The following LAMA2 variants were observed in gnomAD, a reference collection of about 807,000 sequenced individuals.
LAMA2 encodes the protein laminin subunit alpha 2.
In LAMA2, 269 loss-of-function variants were observed where a neutral mutation model predicts 364.8. That is an observed-to-expected ratio of 0.74 (90% CI 0.67 to 0.82). The LOEUF is 0.82. Among genes scored for constraint, LAMA2 ranks in the 40% least tolerant of loss-of-function variants. LAMA2 has a pLI of 0.00. For synonymous variants in LAMA2, 1,379 were observed against 1,370.6 expected (o/e 1.01, Z -0.14); for missense variants, 3,807 against 3,873.2 (o/e 0.98, Z 0.45).
chr6:129,141,246 A>T (rs932799257), intron 4 of LAMA2, among the ~76,000 whole-genome samples: 12 of 151,980 alleles, frequency 7.9e-5, no homozygotes, highest in African/African-American at 2.9e-4. Flanking sequence ...CTTCATCCAT[A>T]TATTTATCCA....
chr6:129,177,492 T>C (rs902497568), intron 9 of LAMA2, among the ~76,000 whole-genome samples: 12 of 152,220 alleles, frequency 7.9e-5, no homozygotes, highest in African/African-American at 2.9e-4. Flanking sequence ...TTTTAATATT[T>C]CTATTGACAC....
At chr6:129,288,106 C>A in intron 19 of LAMA2, 48 bp downstream of exon 19, 3 of 1,476,150 alleles carry the variant, frequency 2.0e-6, no homozygotes, top group Non-Finnish European at 2.8e-6. Flanking sequence ...TGTATTGTAC[C>A]TCAAAGTAGC....
chr6:129,356,185 A>G (rs1410200514), intron 32 of LAMA2, among the ~76,000 whole-genome samples: 1 of 152,072 alleles, frequency 6.6e-6, no homozygotes. Flanking sequence ...GATTTTCACT[A>G]CTATCATGAA....
chr6:129,047,294 C>T (rs1272244495), intron 1 of LAMA2, among the ~76,000 whole-genome samples: 1 of 152,148 alleles, frequency 6.6e-6, no homozygotes, highest in Non-Finnish European at 1.5e-5. Context: ...TAATATTTCT[C>T]TAACCAACAA....
chr6:128,897,289 A>C (rs1776830832), intron 1 of LAMA2, among the ~76,000 whole-genome samples: 1 of 151,784 alleles, frequency 6.6e-6, no homozygotes, highest in South Asian at 2.1e-4. Flanking sequence ...TGCCATTTAG[A>C]TTCAGCACTA....
At chr6:129,343,482 T>C (rs1190100574) in intron 30 of LAMA2, among the ~76,000 whole-genome samples, 1 of 152,188 alleles carries the variant, frequency 6.6e-6, no homozygotes, top group Non-Finnish European at 1.5e-5. Context: ...AGCTGGATAT[T>C]GAAGAGGATA....
At chr6:129,079,703 C>T (rs1252635772) in intron 3 of LAMA2, among the ~76,000 whole-genome samples, 3 of 151,998 alleles carry the variant, frequency 2.0e-5, no homozygotes, top group East Asian at 1.9e-4. Flanking sequence ...GAAAGAATAG[C>T]AGTGAAGAAT....
At chr6:128,901,016 G>A (rs570377410) in intron 1 of LAMA2, among the ~76,000 whole-genome samples, 5 of 152,188 alleles carry the variant, frequency 3.3e-5, no homozygotes, top group South Asian at 2.1e-4. Flanking sequence ...AATTAGCTGC[G>A]TGTGGTGGCA....
In LAMA2 at chr6:129,128,346, G is replaced by T. The variant is rs181377304; in HGVS notation, c.640-15555G>T. 3.4e-3 allele frequency among the ~76,000 whole-genome samples: 523 copies of T among 152,144 alleles called. 3 individuals are homozygous for T. Among genetic ancestry groups the T allele is most frequent in the African/African-American group, 0.012 (495 of 41,500 alleles). On this transcript the variant is annotated intron_variant, in intron 4 of 64. Transcript: ENST00000421865. ...GATTTCTGGGCTATTATGCTGCATTGACCTATATTTCTTTTTTGCCAGTAC... is the reference window on the plus strand; with the variant it reads ...GATTTCTGGGCTATTATGCTGCATTTACCTATATTTCTTTTTTGCCAGTAC...
intron 33 of LAMA2, 60 bp from the exon 34 acceptor site, chr6:129,369,832 C>G (rs931373361): frequency 5.1e-6 from 7 of 1,360,836 alleles, no homozygotes; most frequent in Non-Finnish European, 5.3e-6. Flanking sequence ...TGTGTTCTGT[C>G]GAACACTATC....
intron 7 of LAMA2, among the ~76,000 whole-genome samples, chr6:129,154,214 C>A (rs1170904255): frequency 6.6e-6 from 1 of 152,044 alleles, no homozygotes; most frequent in Non-Finnish European, 1.5e-5. Flanking sequence ...AGTTCAAGAC[C>A]AGCCTGGCCA....
intron 32 of LAMA2, among the ~76,000 whole-genome samples, chr6:129,363,781 A>T (rs1777605060): frequency 6.6e-6 from 1 of 152,208 alleles, no homozygotes; most frequent in Non-Finnish European, 1.5e-5. Context: ...TCTGAGGCCC[A>T]CTAAAGCTTG....
At chr6:129,253,261 A>T (rs1183548512) in intron 14 of LAMA2, among the ~76,000 whole-genome samples, 1 of 152,214 alleles carries the variant, frequency 6.6e-6, no homozygotes, top group Non-Finnish European at 1.5e-5. Context: ...AAATCAGGTT[A>T]AGTTAGACAT....
intron 9 of LAMA2, among the ~76,000 whole-genome samples, chr6:129,175,137 T>C (rs776546727): frequency 1.3e-5 from 2 of 152,240 alleles, no homozygotes; most frequent in African/African-American, 4.8e-5. Flanking sequence ...TATCAAACAA[T>C]ATTTATTTTA....
chr6:129,351,266 A>G (rs1242603497), intron 31 of LAMA2, among the ~76,000 whole-genome samples: 2 of 152,196 alleles, frequency 1.3e-5, no homozygotes, highest in Non-Finnish European at 2.9e-5. Flanking sequence ...AGAATAGGCT[A>G]GAAGGGTACA....
At chr6:129,174,484 AGT>A (rs58286852) in intron 9 of LAMA2, among the ~76,000 whole-genome samples, 6,144 of 146,762 alleles carry the variant, frequency 0.042, 350 homozygotes, top group African/African-American at 0.13. Flanking sequence ...ATGTTTCGTA[AGT>A]GTGTGTGTGT....
intron 17 of LAMA2, among the ~76,000 whole-genome samples, chr6:129,274,981 T>TA (rs1788203397): frequency 6.6e-6 from 1 of 151,970 alleles, no homozygotes; most frequent in Non-Finnish European, 1.5e-5. Flanking sequence ...GGCACAAGGC[T>TA]GGACAGAGAT....
chr6:129,291,441 G>C (rs1474888099), intron 19 of LAMA2, among the ~76,000 whole-genome samples, 173 bp from the exon 20 acceptor site: 1 of 152,230 alleles, frequency 6.6e-6, no homozygotes, highest in East Asian at 1.9e-4. Context: ...AGCTTGTAGA[G>C]TTGTTATAGG....
intron 58 of LAMA2, among the ~76,000 whole-genome samples, chr6:129,497,783 G>A (rs1178942011): frequency 6.6e-6 from 1 of 152,198 alleles, no homozygotes; most frequent in Non-Finnish European, 1.5e-5. Context: ...GCCCTGCCTT[G>A]TGAAATGGAT....
Sources: allele counts gnomAD v4.1 joint callset (sites outside exome capture counted in the v4.1 genomes callset), GRCh38; gene constraint gnomAD v4.1.1; transcripts MANE v1.5; gene names NCBI Gene and HGNC (gene_info 2026-07-23, HGNC 2026-07-21).